CCSER1: variants seen among roughly 807,000 people sequenced by gnomAD.
CCSER1 encodes coiled-coil serine rich protein 1, also known as serine-rich coiled-coil domain-containing protein 1.
Under a neutral mutation model 82.0 loss-of-function variants are expected in CCSER1, and 41 were observed. That is an observed-to-expected ratio of 0.50 (90% CI 0.39 to 0.65). The LOEUF is 0.65. Among genes scored for constraint, CCSER1 ranks in the 30% least tolerant of loss-of-function variants. The pLI is 0.00. For synonymous variants in CCSER1, 414 were observed against 383.9 expected, an observed-to-expected ratio of 1.08 and a Z score of -0.92; for missense variants, 1,119 against 1,064.2, an observed-to-expected ratio of 1.05 and a Z score of -0.72.
chr4:90,730,338 G>A (rs111304314), intron 7 of CCSER1, among the ~76,000 whole-genome samples: 10 of 151,904 alleles, frequency 6.6e-5, no homozygotes, highest in East Asian at 1.9e-4. Flanking sequence ...ATTAGAAATC[G>A]CTTTTTTAAT....
chr4:90,836,503 C>G (rs1263203241), intron 8 of CCSER1, among the ~76,000 whole-genome samples: 1 of 152,052 alleles, frequency 6.6e-6, no homozygotes, highest in Non-Finnish European at 1.5e-5. Context: ...GGACAAATTC[C>G]CAAATTCTAG....
At chr4:90,894,674 AT>A (rs1340662204) in intron 8 of CCSER1, among the ~76,000 whole-genome samples, 1 of 150,438 alleles carries the variant, frequency 6.6e-6, no homozygotes, top group African/African-American at 2.4e-5. Flanking sequence ...CCTTCCTCAC[AT>A]TTTCTCCTCT....
chr4:91,474,797 A>G (rs868534886), intron 10 of CCSER1, among the ~76,000 whole-genome samples: 2,546 of 38,486 alleles, frequency 0.066, 66 homozygotes, highest in African/African-American at 0.22. Flanking sequence ...GTATATATAT[A>G]TATATATATA....
At chr4:90,287,012 A>T (rs1730027482) in intron 1 of CCSER1, among the ~76,000 whole-genome samples, 1 of 151,864 alleles carries the variant, frequency 6.6e-6, no homozygotes. Flanking sequence ...CTGCAGCCAG[A>T]GTGTGTTGTG....
At chr4:90,390,004 T>C (rs1255034241) in intron 3 of CCSER1, among the ~76,000 whole-genome samples, 1 of 152,186 alleles carries the variant, frequency 6.6e-6, no homozygotes, top group African/African-American at 2.4e-5. Context: ...AGAAAATCTG[T>C]CATATAATAA....
At chr4:90,526,803 A>G (rs1187440815) in intron 5 of CCSER1, among the ~76,000 whole-genome samples, 3 of 152,120 alleles carry the variant, frequency 2.0e-5, no homozygotes, top group African/African-American at 7.2e-5. Context: ...CCAAGTCTTC[A>G]CTATTGTGAA....
At chr4:91,343,788 A>T (rs1366818725) in intron 10 of CCSER1, among the ~76,000 whole-genome samples, 3 of 152,158 alleles carry the variant, frequency 2.0e-5, no homozygotes, top group Non-Finnish European at 4.4e-5. Context: ...TCTATGTAAA[A>T]TTTAACAATA....
intron 3 of CCSER1, among the ~76,000 whole-genome samples, chr4:90,388,825 T>C (rs1304037873): frequency 7.0e-6 from 1 of 142,856 alleles, no homozygotes; most frequent in African/African-American, 2.6e-5. Flanking sequence ...TGGTAGAGAC[T>C]GGGTTTCACC....
intron 8 of CCSER1, among the ~76,000 whole-genome samples, chr4:90,858,560 G>A (rs1413023989): frequency 6.6e-6 from 1 of 151,858 alleles, no homozygotes; most frequent in Non-Finnish European, 1.5e-5. Context: ...ATTGCCTGTG[G>A]TATTTCAATT....
rs191466285 is a variant in CCSER1 at position 90,968,938 on chromosome 4, A to C, written c.2172+45491A>C. ...AAAATGAACAAAAAGAAGAAAAACA[A>C]TATATGAACAAAATGTAAAGTTCAA... On this transcript the variant is annotated intron_variant, in intron 9 of 10. Coordinates refer to ENST00000509176, the MANE Select transcript of CCSER1 (RefSeq NM_001145065.2). Among the ~76,000 whole-genome samples the C allele has an allele frequency of 5.6e-4, 85 of 152,096 alleles. 1 individual carries two copies. In the East Asian group the frequency reaches 0.013, roughly 22 times the overall value.
At position 90,649,888 on chromosome 4, in the gene CCSER1, C is replaced by T. The variant is rs544326629; in HGVS notation, c.1932+21656C>T. On this transcript the variant is annotated intron_variant, in intron 6 of 10. Transcript: ENST00000509176. ...TTGGGAGGCAGAGGTGGGTGGATCACGAGGTCGGGAGTTTGAGACCAGCCT... is the reference window on the plus strand; with the variant it reads ...TTGGGAGGCAGAGGTGGGTGGATCATGAGGTCGGGAGTTTGAGACCAGCCT... Among the ~76,000 whole-genome samples the T allele has an allele frequency of 5.9e-5, 9 of 152,180 alleles. No homozygotes were observed. In the South Asian group the frequency reaches 6.2e-4, roughly 11 times the overall value.
intron 5 of CCSER1, among the ~76,000 whole-genome samples, chr4:90,566,366 G>C (rs767514597): frequency 6.6e-6 from 1 of 151,418 alleles, no homozygotes; most frequent in Non-Finnish European, 1.5e-5. Context: ...AGAAGAATTG[G>C]TATTTAATTA....
intron 9 of CCSER1, among the ~76,000 whole-genome samples, chr4:90,932,828 C>CAAAAA (rs70965459): frequency 4.0e-5 from 1 of 25,174 alleles, no homozygotes; most frequent in Non-Finnish European, 7.0e-5. Context: ...ACTCCGTCTC[C>CAAAAA]AAAAAAAAAA....
At position 91,354,534 on chromosome 4, in the gene CCSER1, G is replaced by A. The variant is rs1748694322; in HGVS notation, c.2218-244038G>A. On this transcript the variant is annotated intron_variant, in intron 10 of 10. Coordinates refer to ENST00000509176, the MANE Select transcript of CCSER1 (RefSeq NM_001145065.2). ...GAATGGATTTCTTTCTGTGTAATTGGAACTCCACCATGTAACTGTTTTTGT... is the reference window on the plus strand; with the variant it reads ...GAATGGATTTCTTTCTGTGTAATTGAAACTCCACCATGTAACTGTTTTTGT... Among the ~76,000 whole-genome samples, 3 of 152,186 alleles carry A rather than the reference G, an allele frequency of 2.0e-5. No individual in the cohort carries two copies. In the South Asian group the frequency reaches 6.2e-4, roughly 32 times the overall value.
At chr4:90,825,152 C>T (rs1760250027) in intron 8 of CCSER1, among the ~76,000 whole-genome samples, 1 of 152,194 alleles carries the variant, frequency 6.6e-6, no homozygotes, top group African/African-American at 2.4e-5. Flanking sequence ...TATTGCAGTA[C>T]AGCATGGATA....
chr4:90,872,863 GT>G (rs1174446776), intron 8 of CCSER1, among the ~76,000 whole-genome samples: 1 of 151,738 alleles, frequency 6.6e-6, no homozygotes, highest in Non-Finnish European at 1.5e-5. Context: ...TCTCCTTCAT[GT>G]TTGAAAGATA....
chr4:90,200,529 G>A (rs1244589083), intron 1 of CCSER1, among the ~76,000 whole-genome samples: 1 of 151,918 alleles, frequency 6.6e-6, no homozygotes, highest in Non-Finnish European at 1.5e-5. Flanking sequence ...TATGAACAAT[G>A]GCCATTCTAG....
intron 8 of CCSER1, among the ~76,000 whole-genome samples, chr4:90,858,224 G>C (rs1764679968): frequency 6.6e-6 from 1 of 151,794 alleles, no homozygotes; most frequent in Admixed American, 6.6e-5. Flanking sequence ...ATTTCTTATT[G>C]CTTCAAATAG....
intron 10 of CCSER1, among the ~76,000 whole-genome samples, chr4:91,299,185 T>C (rs932573712): frequency 1.3e-5 from 2 of 152,018 alleles, no homozygotes; most frequent in African/African-American, 4.8e-5. Flanking sequence ...AGCTCCATAA[T>C]GCCCTTTTAA....
Sources: allele counts gnomAD v4.1 joint callset (sites outside exome capture counted in the v4.1 genomes callset), GRCh38; gene constraint gnomAD v4.1.1; transcripts MANE v1.5; gene names NCBI Gene and HGNC (gene_info 2026-07-23, HGNC 2026-07-21).